The following CCDC178 variants were observed in gnomAD, a reference collection of about 807,000 sequenced individuals.
CCDC178 encodes the protein coiled-coil domain containing 178.
CCDC178 carries 126 observed loss-of-function variants against 117.4 expected under a neutral mutation model. The observed-to-expected ratio is 1.07, with a 90% confidence interval of 0.93 to 1.24. The LOEUF is 1.24. Among genes scored for constraint, CCDC178 ranks in the 50% most tolerant of loss-of-function variants. The pLI is 0.00. For synonymous variants in CCDC178, 283 were observed against 313.4 expected, an observed-to-expected ratio of 0.90 and a Z score of 1.02; for missense variants, 1,030 against 986.9, an observed-to-expected ratio of 1.04 and a Z score of -0.59.
At chr18:32,966,684 A>G (rs993295227) in intron 22 of CCDC178, among the ~76,000 whole-genome samples, 5 of 151,858 alleles carry the variant, frequency 3.3e-5, no homozygotes, top group African/African-American at 9.7e-5. Context: ...CTTGAGCTTC[A>G]CACACAAATT....
At chr18:32,978,160 A>T (rs1423148320) in intron 21 of CCDC178, among the ~76,000 whole-genome samples, 1 of 147,572 alleles carries the variant, frequency 6.8e-6, no homozygotes, top group Admixed American at 6.8e-5. Flanking sequence ...TAAACAGAGA[A>T]GTTTTTAAGG....
At chr18:33,381,243 C>G (rs1359780498) in intron 5 of CCDC178, among the ~76,000 whole-genome samples, 1 of 152,066 alleles carries the variant, frequency 6.6e-6, no homozygotes, top group Non-Finnish European at 1.5e-5. Context: ...TTTCTAAGTG[C>G]CTGGAGAGCC....
chr18:32,958,230 C>A (rs2144650952), intron 22 of CCDC178: 1 of 560,712 alleles, frequency 1.8e-6, no homozygotes, highest in East Asian at 3.2e-5. Context: ...TTCTGTAAAA[C>A]AAAAACATAG....
Position 33,211,909 on chromosome 18 carries a change from A to G in CCDC178, c.2225T>C (p.Leu742Pro). 1 of 1,604,126 alleles carries G rather than the reference A, an allele frequency of 6.2e-7. No homozygotes were observed. Among genetic ancestry groups the G allele is most frequent in the Non-Finnish European group, 8.5e-7 (1 of 1,176,686 alleles). Residue 742 changes from leucine to proline, a missense_variant, in exon 20 of 23, where the codon CTT (leucine) becomes CCT (proline). Physicochemically the swap from Leu to Pro is moderately conservative, Grantham distance 98. Transcript: ENST00000383096. ...AATAATACTCACTTGGGTATCTTGA[A>G]GAGTTTTTTGTCTTACAGCAAGGAG... ...RVLLAVRQKT[L>P]QDTQKIIADS...
intron 20 of CCDC178, among the ~76,000 whole-genome samples, chr18:33,127,712 G>A (rs1052847120): frequency 1.6e-4 from 25 of 152,122 alleles, no homozygotes; most frequent in Non-Finnish European, 1.9e-4. Context: ...GGGATTACAG[G>A]TGTGAGCCAC....
chr18:33,084,807 T>C, intron 21 of CCDC178, among the ~76,000 whole-genome samples: 1 of 145,426 alleles, frequency 6.9e-6, no homozygotes, highest in East Asian at 2.0e-4. Flanking sequence ...CGAGGCCCCG[T>C]CTCAAAAAAA....
chr18:33,156,679 A>T (rs2058402495), intron 20 of CCDC178, among the ~76,000 whole-genome samples: 1 of 151,666 alleles, frequency 6.6e-6, no homozygotes, highest in South Asian at 2.1e-4. Flanking sequence ...TAAAAGCAAA[A>T]GAAGAAGTAC....
chr18:33,043,551 T>C (rs1025743756), intron 21 of CCDC178, among the ~76,000 whole-genome samples: 1 of 152,078 alleles, frequency 6.6e-6, no homozygotes, highest in African/African-American at 2.4e-5. Flanking sequence ...ATTTAAGCAT[T>C]TGTAAAATTA....
rs760723034 is a variant in CCDC178, at chr18:33,211,896, T to C, written c.2238A>G (p.Gln746=). 5.6e-6 allele frequency: 9 copies of C among 1,601,250 alleles called. No homozygotes were observed. In the Admixed American group the frequency reaches 8.7e-5, roughly 16 times the overall value. Residue 746 remains glutamine (Q), a splice_region_variant and synonymous_variant, in exon 20 of 23, where the codon CAA becomes CAG. Coordinates refer to ENST00000383096, the MANE Select transcript of CCDC178 (RefSeq NM_001105528.4). ...TGAAACATGCAAAAATAATACTCAC[T>C]TGGGTATCTTGAAGAGTTTTTTGTC... ...AVRQKTLQDT[Q]KIIADSLEEN... is the part of the protein sequence containing the mutation.
chr18:33,359,576 A>C (rs1377890734), intron 6 of CCDC178, among the ~76,000 whole-genome samples: 1 of 151,724 alleles, frequency 6.6e-6, no homozygotes, highest in African/African-American at 2.4e-5. Flanking sequence ...AAGTTTATCA[A>C]AGTCACTTTA....
chr18:33,174,175 G>T (rs1243341430), intron 20 of CCDC178, among the ~76,000 whole-genome samples: 1 of 152,142 alleles, frequency 6.6e-6, no homozygotes. Context: ...AACAGAGAGA[G>T]AGTCGGCAGG....
At chr18:33,089,612 A>T (rs1355551226) in intron 21 of CCDC178, among the ~76,000 whole-genome samples, 2 of 152,194 alleles carry the variant, frequency 1.3e-5, no homozygotes, top group African/African-American at 4.8e-5. Context: ...TAATTTAAAA[A>T]ATATATTTTA....
At chr18:33,003,470 T>C (rs896379236) in intron 21 of CCDC178, among the ~76,000 whole-genome samples, 3 of 152,116 alleles carry the variant, frequency 2.0e-5, no homozygotes, top group Non-Finnish European at 4.4e-5. Context: ...TAAAAACATT[T>C]GATAAAATTT....
At chr18:33,344,220 C>T (rs548966393) in intron 9 of CCDC178, among the ~76,000 whole-genome samples, 6 of 144,266 alleles carry the variant, frequency 4.2e-5, no homozygotes, top group South Asian at 2.2e-4. Context: ...AGGAGAATGG[C>T]GTGAACCCGG....
intron 21 of CCDC178, chr18:32,983,323 T>G (rs553208891): frequency 6.5e-7 from 1 of 1,531,774 alleles, no homozygotes; most frequent in South Asian, 1.2e-5. Flanking sequence ...GCAGAGAGTT[T>G]GGAAGTTTCT....
intron 14 of CCDC178, among the ~76,000 whole-genome samples, chr18:33,263,214 G>C (rs2059771973): frequency 6.6e-6 from 1 of 152,050 alleles, no homozygotes; most frequent in Non-Finnish European, 1.5e-5. Flanking sequence ...CTCATGAATG[G>C]GATAGTCTTT....
At chr18:33,295,343 T>C (rs932055386) in intron 11 of CCDC178, among the ~76,000 whole-genome samples, 7 of 152,126 alleles carry the variant, frequency 4.6e-5, no homozygotes, top group African/African-American at 1.7e-4. Context: ...TGTAAACCTA[T>C]AATATTTTTA....
At position 33,395,947 on chromosome 18, in the gene CCDC178, A is replaced by T. The variant is rs74389277; in HGVS notation, c.118+1202T>A. Among the ~76,000 whole-genome samples the T allele has an allele frequency of 6.5e-3, 989 of 152,214 alleles. 8 individuals carry two copies. Among genetic ancestry groups the T allele is most frequent in the African/African-American group, 0.023 (937 of 41,566 alleles). ...ACTAGGATTTCCTTGAATAATATGT[A>T]AAAAGCTTTGACTTGAAAAAATAAT... is the stretch of plus-strand genomic sequence containing the variant. On this transcript the variant is annotated intron_variant, in intron 4 of 22. Transcript: ENST00000383096.
chr18:33,031,470 G>A (rs925093127), intron 21 of CCDC178, among the ~76,000 whole-genome samples: 26 of 151,804 alleles, frequency 1.7e-4, no homozygotes, highest in African/African-American at 6.1e-4. Context: ...TAACCTCATA[G>A]AATCTAGTTA....
Sources: gnomAD v4.1 joint callset for allele counts (sites outside exome capture counted in the v4.1 genomes callset) on GRCh38, gnomAD v4.1.1 for gene constraint, MANE v1.5 for transcripts, NCBI Gene and HGNC (gene_info 2026-07-23, HGNC 2026-07-21) for gene names.